GLT8D2: variants seen among roughly 807,000 people sequenced by gnomAD.
The protein encoded by GLT8D2 is glycosyltransferase 8 domain containing 2, also known as glycosyltransferase 8 domain-containing protein 2.
GLT8D2 carries 45 observed loss-of-function variants against 44.5 expected under a neutral mutation model. The observed-to-expected ratio is 1.01, with a 90% CI of 0.80 to 1.30. The LOEUF is 1.30. Ranked by LOEUF, GLT8D2 falls within the 50% of genes most tolerant of loss-of-function variation. The pLI is 0.00. For synonymous variants in GLT8D2, 156 were observed against 157.2 expected (o/e 0.99, Z 0.06); for missense variants, 400 against 430.4 (o/e 0.93, Z 0.62).
chr12:104,047,742 G>A (rs1028242326), intron 1 of GLT8D2, among the ~76,000 whole-genome samples: 1 of 152,178 alleles, frequency 6.6e-6, no homozygotes, highest in Non-Finnish European at 1.5e-5. Flanking sequence ...ATTTTGGGGG[G>A]ACACAAACCT....
chr12:104,047,837 A>G (rs1881333661), intron 1 of GLT8D2, among the ~76,000 whole-genome samples: 1 of 152,244 alleles, frequency 6.6e-6, no homozygotes, highest in African/African-American at 2.4e-5. Flanking sequence ...CTAGCATGAG[A>G]AATTCTTTCA....
In GLT8D2 at chr12:104,031,580, T is replaced by C. The variant is rs1316527297; in HGVS notation, c.-163-10089A>G. On this transcript the variant is annotated intron_variant, in intron 1 of 10. Transcript: ENST00000360814. ...GAAGATACTGTCCCCAGGAGCACCC[T>C]CCCTGCCCATCTTGTCCCTCTGCCC... The C allele has an allele frequency of 3.4e-5, 54 of 1,609,688 alleles. No individual in the cohort carries two copies. In the South Asian group the frequency reaches 5.7e-4, roughly 17 times the overall value.
At chr12:104,007,833 TC>T (rs567674170) in intron 4 of GLT8D2, among the ~76,000 whole-genome samples, 24 of 152,166 alleles carry the variant, frequency 1.6e-4, no homozygotes, top group Non-Finnish European at 3.2e-4. Context: ...GGGGTGGTTT[TC>T]CCCATACTGT....
intron 1 of GLT8D2, among the ~76,000 whole-genome samples, chr12:104,060,617 T>C (rs1169990035): frequency 1.3e-5 from 2 of 152,120 alleles, no homozygotes; most frequent in African/African-American, 4.8e-5. Flanking sequence ...ATATAACTAG[T>C]GAATTTATAA....
intron 1 of GLT8D2, among the ~76,000 whole-genome samples, chr12:104,026,556 A>G (rs1417487861): frequency 6.6e-6 from 1 of 152,222 alleles, no homozygotes; most frequent in Non-Finnish European, 1.5e-5. Flanking sequence ...AATACCTTGG[A>G]TATTCATTAG....
rs192876948 is a variant in GLT8D2 at position 104,016,664 on chromosome 12, A to G, written c.20-1559T>C. ...AAAGAAGGAGAGAAAGAAAGAAAGA[A>G]AGAGAGAGAGAGAGAAAGAAAAGAA... is the stretch of plus-strand genomic sequence containing the variant. On this transcript the variant is annotated intron_variant, in intron 3 of 10. Transcript: ENST00000360814. 1.9e-3 allele frequency among the ~76,000 whole-genome samples: 244 copies of G among 128,334 alleles called. 3 individuals carry two copies. The East Asian group carries it at 0.028, about 15-fold the overall frequency. The allele number at this position is 128,334 out of a possible 152,430, so 84.2% of individuals were successfully genotyped here. A position where few individuals can be genotyped will look rare whatever the true frequency, so the allele number is the denominator to read the frequency against.
chr12:104,003,165 A>G lies in GLT8D2; in HGVS notation c.254T>C (p.Val85Ala), dbSNP rs1425533118. 6.2e-7 allele frequency: 1 copy of G among 1,614,176 alleles called. No homozygotes were observed. Among genetic ancestry groups the G allele is most frequent in the South Asian group, 1.1e-5 (1 of 91,084 alleles). The part of the protein sequence containing the change: ...NTDANILFYV[V>A]GLRNTLTRIR... The stretch of plus-strand genomic sequence containing the variant: ...TCGAGTCAGAGTATTCCGGAGTCCC[A>G]CTACATAGAACAAGATGTTGGCGTC... Residue 85 changes from valine to alanine, a missense_variant, in exon 5 of 11, where the codon GTG becomes GCG. By Grantham distance (64) the Val-to-Ala change is moderately conservative. Coordinates refer to ENST00000360814, the MANE Select transcript of GLT8D2 (RefSeq NM_001384711.1).
At chr12:104,004,929 TC>T (rs1874772509) in intron 4 of GLT8D2, among the ~76,000 whole-genome samples, 1 of 152,116 alleles carries the variant, frequency 6.6e-6, no homozygotes, top group East Asian at 1.9e-4. Flanking sequence ...GCCAAGTCAA[TC>T]CTAAGCCAAA....
At chr12:104,003,898 A>T (rs1474939634) in intron 4 of GLT8D2, among the ~76,000 whole-genome samples, 3 of 152,250 alleles carry the variant, frequency 2.0e-5, no homozygotes, top group Non-Finnish European at 2.9e-5. Context: ...ATGATAGATT[A>T]GAAGAATAAA....
chr12:104,013,235 C>T (rs1439098431), intron 4 of GLT8D2, among the ~76,000 whole-genome samples: 1 of 152,224 alleles, frequency 6.6e-6, no homozygotes, highest in Non-Finnish European at 1.5e-5. Context: ...TAGGCAACCA[C>T]TGATCTGCTC....
chr12:103,999,581 C>A, intron 5 of GLT8D2, 67 bp from the exon 6 acceptor site: 1 of 899,042 alleles, frequency 1.1e-6, no homozygotes, highest in Non-Finnish European at 1.9e-6. Flanking sequence ...CCTATTGCCC[C>A]AAGGTCAATC....
intron 1 of GLT8D2, among the ~76,000 whole-genome samples, chr12:104,045,752 T>C (rs1029412797): frequency 1.3e-5 from 2 of 151,810 alleles, no homozygotes; most frequent in African/African-American, 4.8e-5. Context: ...TTCAGAAAAA[T>C]ACTCCAAAAA....
In GLT8D2 at chr12:103,997,537, T is replaced by C; in HGVS notation, c.403-2A>G. The stretch of plus-strand genomic sequence containing the variant: ...GAGATAAAATCGAACAAAGTTCAGC[T>C]GTTAAAACGACAAAAGAAATGATGG... On this transcript the variant is annotated splice_acceptor_variant, in intron 6 of 10. Coordinates refer to ENST00000360814, the MANE Select transcript of GLT8D2 (RefSeq NM_001384711.1). LOFTEE classifies it high-confidence loss of function. 6.2e-7 allele frequency: 1 copy of C among 1,610,292 alleles called. No individual in the cohort carries two copies. Among genetic ancestry groups the C allele is most frequent in the Non-Finnish European group, 8.5e-7 (1 of 1,176,572 alleles).
intron 4 of GLT8D2, among the ~76,000 whole-genome samples, chr12:104,005,218 T>C (rs138864467): frequency 0.038 from 5,772 of 152,266 alleles, 193 homozygotes; most frequent in South Asian, 0.1. Flanking sequence ...TTACACCTTA[T>C]ACAAAAATTA....
intron 10 of GLT8D2, among the ~76,000 whole-genome samples, chr12:103,992,874 C>T (rs1243078291): frequency 1.3e-5 from 2 of 152,168 alleles, no homozygotes; most frequent in Admixed American, 6.5e-5. Flanking sequence ...CATAAATCTC[C>T]AGAAACACGC....
At position 104,016,750 on chromosome 12, in the gene GLT8D2, A is replaced by G. The variant is rs200826412; in HGVS notation, c.20-1645T>C. ...AAGAAAGAAAGAAAGAAAGAAAGAA[A>G]GAAAGAAAGAAAGAAAGAAAGAAAG... On this transcript the variant is annotated intron_variant, in intron 3 of 10. Transcript: ENST00000360814. 2.5e-3 allele frequency among the ~76,000 whole-genome samples: 275 copies of G among 109,680 alleles called. 7 individuals carry two copies. The East Asian group carries it at 0.06, about 24-fold the overall frequency. 72.0% of individuals were successfully genotyped at this position (109,680 alleles called of 152,430 possible). A position where few individuals can be genotyped will look rare whatever the true frequency, so the allele number is the denominator to read the frequency against.
At chr12:104,041,411 C>T (rs1171342203) in intron 1 of GLT8D2, among the ~76,000 whole-genome samples, 1 of 152,030 alleles carries the variant, frequency 6.6e-6, no homozygotes, top group Non-Finnish European at 1.5e-5. Context: ...GAGACTCTGT[C>T]TCAAAAAAGA....
At chr12:104,015,427 CACACACACAA>C (rs1876444356) in intron 3 of GLT8D2, among the ~76,000 whole-genome samples, 1 of 151,080 alleles carries the variant, frequency 6.6e-6, no homozygotes, top group African/African-American at 2.4e-5. Context: ...CACACACACA[CACACACACAA>C]ATTAGCTGGG....
chr12:104,054,238 G>C (rs547811263), upstream of GLT8D2, among the ~76,000 whole-genome samples: 1 of 152,052 alleles, frequency 6.6e-6, no homozygotes, highest in African/African-American at 2.4e-5. Context: ...GACTTTCTTA[G>C]ATTACAAATA....
Sources: allele counts gnomAD v4.1 joint callset (sites outside exome capture counted in the v4.1 genomes callset), GRCh38; gene constraint gnomAD v4.1.1; transcripts MANE v1.5; gene names NCBI Gene and HGNC (gene_info 2026-07-23, HGNC 2026-07-21).